The following RUFY2 variants were observed in gnomAD, a reference collection of about 807,000 sequenced individuals.
RUFY2 encodes RUN and FYVE domain-containing protein 2.
A neutral mutation model predicts 94.4 loss-of-function variants in RUFY2; 49 were observed. The observed-to-expected ratio is 0.52, with a 90% CI of 0.41 to 0.66. RUFY2 has a LOEUF of 0.66. Ranked by LOEUF, RUFY2 falls within the 30% of genes least tolerant of loss-of-function variation. The pLI is 0.00. For missense variants in RUFY2, 541 were observed against 692.8 expected, an observed-to-expected ratio of 0.78 and a Z score of 2.46; for synonymous variants, 255 against 235.7, an observed-to-expected ratio of 1.08 and a Z score of -0.75.
chr10:68,403,229 G>A (rs2051000994), intron 2 of RUFY2, among the ~76,000 whole-genome samples: 1 of 150,360 alleles, frequency 6.7e-6, no homozygotes, highest in Non-Finnish European at 1.5e-5. Flanking sequence ...AAACAGAAAA[G>A]GGATAACAGA....
chr10:68,351,940 C>G (rs1285475575), intron 16 of RUFY2, among the ~76,000 whole-genome samples: 2 of 151,090 alleles, frequency 1.3e-5, no homozygotes. Context: ...GCCTGTAATC[C>G]CAGCTACTTG....
At chr10:68,358,552 T>C (rs188297229) in intron 15 of RUFY2, among the ~76,000 whole-genome samples, 20 of 152,332 alleles carry the variant, frequency 1.3e-4, no homozygotes, top group African/African-American at 3.8e-4. Flanking sequence ...ACAGTGATGA[T>C]TTAATTATGC....
Position 68,394,283 on chromosome 10 carries a change from C to T in RUFY2, c.522+45G>A, listed in dbSNP as rs186473892. Reference sequence around the variant, plus strand: ...GACACCTGATCAAGGAGGAACTGTGCAAACTGAAAACACTCTGCATTTGGC... The same window carrying T: ...GACACCTGATCAAGGAGGAACTGTGTAAACTGAAAACACTCTGCATTTGGC... On this transcript the variant is annotated intron_variant, in intron 5 of 17. Coordinates refer to ENST00000602465, the MANE Select transcript of RUFY2 (RefSeq NM_001330103.2). 7.7e-5 allele frequency: 124 copies of T among 1,612,162 alleles called. No homozygotes were observed. In the African/African-American group the frequency reaches 1.4e-3, roughly 18 times the overall value.
chr10:68,347,712 T>G (rs2046383994), intron 16 of RUFY2, among the ~76,000 whole-genome samples: 1 of 152,166 alleles, frequency 6.6e-6, no homozygotes. Context: ...AGGAGGAGCC[T>G]CAATACTGAT....
chr10:68,376,489 T>TATATATATATTC (rs58358117), intron 13 of RUFY2, among the ~76,000 whole-genome samples: 3,011 of 51,686 alleles, frequency 0.058, 1,010 homozygotes, highest in Non-Finnish European at 0.089. Flanking sequence ...TATATATATA[T>TATATATATATTC]ATTCTCAGAA....
rs375545009 is a variant in RUFY2 at position 68,376,960 on chromosome 10, T to C, written c.1218A>G (p.Ala406=). The C allele has an allele frequency of 7.3e-5, 117 of 1,613,530 alleles. No individual in the cohort carries two copies. The highest frequency in any genetic ancestry group is 9.0e-5 in the Non-Finnish European group (106 of 1,179,952). The change falls in exon 13 of 18, where the codon GCA becomes GCG. Residue 406 remains alanine (A), a synonymous_variant. Coordinates refer to ENST00000602465, the MANE Select transcript of RUFY2 (RefSeq NM_001330103.2). Reference sequence around the variant, plus strand: ...CTTCAGCTTCCATTTGCGCCTTCTCTGCTTGCTGCAATCTGGTGTAATTCA... The same window carrying C: ...CTTCAGCTTCCATTTGCGCCTTCTCCGCTTGCTGCAATCTGGTGTAATTCA... ...MRQLEQRLQQ[A]EKAQMEAEDE... is the part of the protein sequence containing the mutation.
At chr10:68,372,762 A>G (rs1186468470) in intron 13 of RUFY2, among the ~76,000 whole-genome samples, 1 of 151,990 alleles carries the variant, frequency 6.6e-6, no homozygotes, top group African/African-American at 2.4e-5. Flanking sequence ...TACAAAAATT[A>G]GCCAGGTATG....
At position 68,386,070 on chromosome 10, in the gene RUFY2, G is replaced by A. The variant is rs201735579; in HGVS notation, c.709C>T (p.Leu237=). 7.5e-6 allele frequency: 12 copies of A among 1,606,628 alleles called. No individual in the cohort carries two copies. Among genetic ancestry groups the A allele is most frequent in the Non-Finnish European group, 1.0e-5 (12 of 1,174,242 alleles). Reference sequence around the variant, plus strand: ...CCATTAGACAATACCTCTTCAATCAGCTTAGTATTTGACTTTTCTAATGAA... The same window carrying A: ...CCATTAGACAATACCTCTTCAATCAACTTAGTATTTGACTTTTCTAATGAA... ...VDSLEKSNTK[L]IEELAIAKNN... is the part of the protein sequence containing the mutation. Residue 237 remains leucine (L), a synonymous_variant, in exon 8 of 18, where the codon CTG becomes TTG. Coordinates refer to ENST00000602465, the MANE Select transcript of RUFY2 (RefSeq NM_001330103.2).
intron 15 of RUFY2, among the ~76,000 whole-genome samples, chr10:68,359,654 A>T (rs928803287): frequency 2.0e-5 from 3 of 148,134 alleles, no homozygotes; most frequent in East Asian, 2.0e-4. Context: ...TATATATATA[A>T]AAATATATAT....
intron 7 of RUFY2, among the ~76,000 whole-genome samples, chr10:68,389,942 T>C (rs1214426222): frequency 6.6e-6 from 1 of 152,178 alleles, no homozygotes; most frequent in African/African-American, 2.4e-5. Context: ...AAGAACCTAA[T>C]ATATTAATTA....
chr10:68,345,164 TC>T lies in RUFY2; in HGVS notation c.*603del, dbSNP rs2046202303. ...CCAAATAATGCCCCCTTTAATTTAATCCACTGTAGCTGAAAATCTTCAGCAA... is the reference window on the plus strand; with the variant it reads ...CCAAATAATGCCCCCTTTAATTTAATCACTGTAGCTGAAAATCTTCAGCAA... On this transcript the variant is annotated 3_prime_UTR_variant, in exon 18 of 18. Transcript: ENST00000602465. 6.5e-6 allele frequency: 1 copy of T among 154,716 alleles called. No homozygotes were observed. The highest frequency in any genetic ancestry group is 1.4e-5 in the Non-Finnish European group (1 of 69,774). The allele number at this position is 154,716 out of a possible 1,614,324, so 9.6% of individuals were successfully genotyped here. A position where few individuals can be genotyped will look rare whatever the true frequency, so the allele number is the denominator to read the frequency against.
At chr10:68,396,101 T>C (rs10998111) in intron 4 of RUFY2, among the ~76,000 whole-genome samples, 16,554 of 152,228 alleles carry the variant, frequency 0.11, 1,112 homozygotes, top group South Asian at 0.24. Flanking sequence ...CGGGTTCATG[T>C]GATTCTCCTG....
At chr10:68,392,809 T>C (rs1377510403) in intron 7 of RUFY2, among the ~76,000 whole-genome samples, 1 of 150,472 alleles carries the variant, frequency 6.6e-6, no homozygotes, top group Non-Finnish European at 1.5e-5. Context: ...GCGCCTATAG[T>C]CCCAGCTACT....
chr10:68,367,209 T>C (rs901924297), intron 13 of RUFY2, among the ~76,000 whole-genome samples: 3 of 152,142 alleles, frequency 2.0e-5, no homozygotes, highest in African/African-American at 2.4e-5. Context: ...ATATCAGATT[T>C]GTCTTACCTA....
chr10:68,341,893 G>A, downstream of RUFY2: 4 of 1,591,788 alleles, frequency 2.5e-6, no homozygotes, highest in Non-Finnish European at 3.4e-6. Flanking sequence ...CGCATATGTA[G>A]TGCAAACTTT....
At chr10:68,401,876 C>T (rs2224665) in intron 2 of RUFY2, 139 bp from the exon 3 acceptor site, 451,917 of 591,194 alleles carry the variant, frequency 0.76, 176,527 homozygotes, top group East Asian at 0.86. Context: ...CTACATATCC[C>T]AGTGGATCTG....
chr10:68,352,694 G>A (rs1047947763), intron 16 of RUFY2, among the ~76,000 whole-genome samples: 1 of 152,160 alleles, frequency 6.6e-6, no homozygotes, highest in Non-Finnish European at 1.5e-5. Context: ...ACTTTGGGAG[G>A]CCAAGGTGGG....
intron 1 of RUFY2, chr10:68,405,803 T>C: frequency 5.9e-6 from 4 of 677,360 alleles, no homozygotes; most frequent in Non-Finnish European, 7.3e-6. Flanking sequence ...AGACCAGTTT[T>C]ACATTAATGT....
chr10:68,347,445 G>A (rs1045941561), intron 16 of RUFY2, among the ~76,000 whole-genome samples: 5 of 151,724 alleles, frequency 3.3e-5, no homozygotes, highest in South Asian at 2.1e-4. Flanking sequence ...CACCATGCCC[G>A]GCTAATTTTT....
Sources: gnomAD v4.1 joint callset for allele counts (sites outside exome capture counted in the v4.1 genomes callset) on GRCh38, gnomAD v4.1.1 for gene constraint, MANE v1.5 for transcripts, NCBI Gene and HGNC (gene_info 2026-07-23, HGNC 2026-07-21) for gene names.